Variants in IGFBP3 observed in about 807,000 individuals in gnomAD.
IGFBP3 encodes insulin like growth factor binding protein 3, also known as insulin-like growth factor-binding protein 3.
IGFBP3 carries 9 observed loss-of-function variants against 28.6 expected under a neutral mutation model. That is an observed-to-expected ratio of 0.31 (90% CI 0.19 to 0.55). The LOEUF is 0.55. IGFBP3 is among the 20% of genes least tolerant of loss of function. The pLI is 0.93. For synonymous variants in IGFBP3, 185 were observed against 188.2 expected (o/e 0.98, Z 0.14); for missense variants, 382 against 428.9 (o/e 0.89, Z 0.97).
At chr7:45,917,856 C>T (rs534666608) in intron 1 of IGFBP3, among the ~76,000 whole-genome samples, 1 of 152,150 alleles carries the variant, frequency 6.6e-6, no homozygotes, top group African/African-American at 2.4e-5. Context: ...GCGGGAGCAG[C>T]GGCAGCCCGG....
At chr7:45,915,694 C>T (rs1489755462) in intron 3 of IGFBP3, among the ~76,000 whole-genome samples, 1 of 152,208 alleles carries the variant, frequency 6.6e-6, no homozygotes, top group Non-Finnish European at 1.5e-5. Flanking sequence ...GATTCTCACT[C>T]CATTCCTTTT....
Position 45,921,241 on chromosome 7 carries a change from A to T in IGFBP3, c.-101T>A. 1 of 1,354,228 alleles carries T rather than the reference A, an allele frequency of 7.4e-7. No individual in the cohort carries two copies. The highest frequency in any genetic ancestry group is 1.0e-6 in the Non-Finnish European group (1 of 996,042). 83.9% of individuals were successfully genotyped at this position (1,354,228 alleles called of 1,614,324 possible). ...GTGGAATCCAGGCAGGAAGCGGCTG[A>T]TCCTCAGCGCCCAGCCGCAGTGCTC... On this transcript the variant is annotated 5_prime_UTR_variant, in exon 1 of 5. Coordinates refer to ENST00000613132, the MANE Select transcript of IGFBP3 (RefSeq NM_000598.5).
chr7:45,920,400 G>A (rs546250689), intron 1 of IGFBP3: 2 of 291,230 alleles, frequency 6.9e-6, no homozygotes, highest in African/African-American at 4.3e-5. Flanking sequence ...GCACCCCCGT[G>A]CGGGGCGAGG....
Position 45,921,243 on chromosome 7 carries a change from C to A in IGFBP3, c.-103G>T. Reference sequence around the variant, plus strand: ...GGAATCCAGGCAGGAAGCGGCTGATCCTCAGCGCCCAGCCGCAGTGCTCGC... The same window carrying A: ...GGAATCCAGGCAGGAAGCGGCTGATACTCAGCGCCCAGCCGCAGTGCTCGC... On this transcript the variant is annotated 5_prime_UTR_variant, in exon 1 of 5. Coordinates refer to ENST00000613132, the MANE Select transcript of IGFBP3 (RefSeq NM_000598.5). 1 of 1,344,884 alleles carries A rather than the reference C, an allele frequency of 7.4e-7. No homozygotes were observed. The highest frequency in any genetic ancestry group is 1.0e-6 in the Non-Finnish European group (1 of 987,540). The allele number at this position is 1,344,884 out of a possible 1,614,324, so 83.3% of individuals were successfully genotyped here.
At position 45,920,766 on chromosome 7, in the gene IGFBP3, G is replaced by A. The variant is rs1583673742; in HGVS notation, c.375C>T (p.Ala125=). The A allele has an allele frequency of 1.4e-6, 2 of 1,422,436 alleles. No homozygotes were observed. The highest frequency in any genetic ancestry group is 3.0e-5 in the Admixed American group (1 of 32,998). 88.1% of individuals were successfully genotyped at this position (1,422,436 alleles called of 1,614,324 possible). A position where few individuals can be genotyped will look rare whatever the true frequency, so the allele number is the denominator to read the frequency against. ...VNASAVSRLR[A]YLLPAPPAPG... ...GAGCTGGCGGCGCTGGCAGCAGGTA[G>A]GCGCGCAGGCGGCTGACGGCACTAG... is the stretch of plus-strand genomic sequence containing the variant. Residue 125 remains alanine (A), a synonymous_variant, in exon 1 of 5, where the codon GCC becomes GCT. Transcript: ENST00000613132.
rs997255394 is a variant in IGFBP3, at chr7:45,921,240, G to A, written c.-100C>T. On this transcript the variant is annotated 5_prime_UTR_variant, in exon 1 of 5. An upstream open reading frame in the 5' UTR gains an earlier in-frame stop. Coordinates refer to ENST00000613132, the MANE Select transcript of IGFBP3 (RefSeq NM_000598.5). The stretch of plus-strand genomic sequence containing the variant: ...TGTGGAATCCAGGCAGGAAGCGGCT[G>A]ATCCTCAGCGCCCAGCCGCAGTGCT... 5 of 1,358,152 alleles carry A rather than the reference G, an allele frequency of 3.7e-6. No individual in the cohort carries two copies. In the African/African-American group the frequency reaches 7.6e-5, roughly 21 times the overall value. 84.1% of individuals were successfully genotyped at this position (1,358,152 alleles called of 1,614,324 possible). A position where few individuals can be genotyped will look rare whatever the true frequency, so the allele number is the denominator to read the frequency against.
Position 45,917,342 on chromosome 7 carries a change from G to C in IGFBP3, c.501C>G (p.Pro167=), listed in dbSNP as rs550177351. ...TGATGATGATTATCTTTGAATGGAGGGGGTGGAACTTGGGATCAGACACCC... is the reference window on the plus strand; with the variant it reads ...TGATGATGATTATCTTTGAATGGAGCGGGTGGAACTTGGGATCAGACACCC... ...THRVSDPKFH[P]LHSKIIIIKK... is the part of the protein sequence containing the mutation. The change falls in exon 2 of 5, where the codon CCC becomes CCG. Residue 167 remains proline, a synonymous_variant. Transcript: ENST00000613132. 3.7e-6 allele frequency: 6 copies of C among 1,614,052 alleles called. No homozygotes were observed. The highest frequency in any genetic ancestry group is 2.2e-5 in the South Asian group (2 of 91,062).
Position 45,921,076 on chromosome 7 carries a change from G to T in IGFBP3, c.65C>A (p.Pro22Gln), listed in dbSNP as rs1784683554. ...GCTCGCGCCAGCCCGCGCCACCGGC[G>T]GCCCGCGGAGCAGCACCAGCAGAGT... ...ALTLLVLLRG[P>Q]PVARAGASSA... is the part of the protein sequence containing the mutation. Residue 22 changes from proline to glutamine, a missense_variant, in exon 1 of 5, where the codon CCG (proline) becomes CAG (glutamine). By Grantham distance (76) the Pro-to-Gln change is moderately conservative. Transcript: ENST00000613132. The T allele has an allele frequency of 1.4e-6, 2 of 1,455,640 alleles. No homozygotes were observed. The highest frequency in any genetic ancestry group is 1.5e-5 in the African/African-American group (1 of 67,126). 90.2% of individuals were successfully genotyped at this position (1,455,640 alleles called of 1,614,324 possible). A position where few individuals can be genotyped will look rare whatever the true frequency, so the allele number is the denominator to read the frequency against.
At chr7:45,914,638 G>T in intron 4 of IGFBP3, 167 bp downstream of exon 4, 1 of 601,998 alleles carries the variant, frequency 1.7e-6, no homozygotes, top group Non-Finnish European at 2.8e-6. Flanking sequence ...CCCTCTCCCT[G>T]CACCCTTCTG....
chr7:45,917,510 C>T (rs1231497142), intron 1 of IGFBP3, 71 bp from the exon 2 acceptor site: 7 of 1,287,068 alleles, frequency 5.4e-6, no homozygotes, highest in Admixed American at 4.8e-5. Context: ...AAAATCTTAA[C>T]GTTGCAACCA....
intron 2 of IGFBP3, 21 bp from the exon 3 acceptor site, chr7:45,916,688 G>A (rs767267504): frequency 1.3e-6 from 2 of 1,596,896 alleles, no homozygotes; most frequent in East Asian, 2.3e-5. Flanking sequence ...GGAAGGACCA[G>A]AGCAACAGAG....
intron 3 of IGFBP3, chr7:45,915,331 A>T (rs1242321087): frequency 5.0e-6 from 1 of 198,442 alleles, no homozygotes; most frequent in Non-Finnish European, 1.0e-5. Context: ...ACACCTTCTC[A>T]GTATGACTTT....
chr7:45,916,728 TA>T (rs974317632), intron 2 of IGFBP3, 61 bp from the exon 3 acceptor site: 1 of 1,565,030 alleles, frequency 6.4e-7, no homozygotes, highest in African/African-American at 1.4e-5. Flanking sequence ...ATGTGTGCTT[TA>T]AAAATCTTAC....
chr7:45,913,717 G>A lies in IGFBP3; in HGVS notation c.*133C>T, dbSNP rs952228854. On this transcript the variant is annotated 3_prime_UTR_variant, in exon 5 of 5. Transcript: ENST00000613132. ...TTTCAAAAACCTCTTTCTAAACTTT[G>A]GTTTAAAAAAAATCAGTTCACCACA... The A allele has an allele frequency of 2.0e-5, 3 of 152,286 alleles. No homozygotes were observed. The highest frequency in any genetic ancestry group is 6.6e-5 in the Admixed American group (1 of 15,264). The allele number at this position is 152,286 out of a possible 1,614,324, so 9.4% of individuals were successfully genotyped here.
intron 3 of IGFBP3, 113 bp downstream of exon 3, chr7:45,916,435 G>T: frequency 1.9e-6 from 2 of 1,073,180 alleles, no homozygotes; most frequent in Non-Finnish European, 2.7e-6. Context: ...GGGCACTGGT[G>T]CTGCACAGGC....
At position 45,921,130 on chromosome 7, in the gene IGFBP3, G is replaced by A; in HGVS notation, c.11C>T (p.Ala4Val). 3.3e-6 allele frequency: 5 copies of A among 1,499,474 alleles called. No individual in the cohort carries two copies. Among genetic ancestry groups the A allele is most frequent in the Non-Finnish European group, 8.8e-7 (1 of 1,130,082 alleles). 92.9% of individuals were successfully genotyped at this position (1,499,474 alleles called of 1,614,324 possible). Reference sequence around the variant, plus strand: ...CGCAGCGGCCCAGAGCGTGGGTCGCGCCCGCTGCATGACGCCTGCAACCGG... The same window carrying A: ...CGCAGCGGCCCAGAGCGTGGGTCGCACCCGCTGCATGACGCCTGCAACCGG... MQR[A>V]RPTLWAAALT... The change falls in exon 1 of 5, where the codon GCG becomes GTG. Residue 4 changes from alanine to valine, a missense_variant. Ala to Val is a moderately conservative substitution (Grantham distance 64, BLOSUM62 0). Transcript: ENST00000613132.
chr7:45,918,195 G>A (rs34014638), intron 1 of IGFBP3, among the ~76,000 whole-genome samples: 11 of 151,624 alleles, frequency 7.3e-5, no homozygotes, highest in Admixed American at 4.6e-4. Context: ...TTCACCCCGG[G>A]TGAACACAGC....
In IGFBP3 at chr7:45,920,782, AC is replaced by A; in HGVS notation, c.358del (p.Val120SerfsTer53). 1 of 1,422,504 alleles carries A rather than the reference AC, an allele frequency of 7.0e-7. No individual in the cohort carries two copies. The highest frequency in any genetic ancestry group is 9.1e-7 in the Non-Finnish European group (1 of 1,097,262). The allele number at this position is 1,422,504 out of a possible 1,614,324, so 88.1% of individuals were successfully genotyped here. A position where few individuals can be genotyped will look rare whatever the true frequency, so the allele number is the denominator to read the frequency against. On this transcript the variant is annotated frameshift_variant, in exon 1 of 5. Transcript: ENST00000613132. LOFTEE classifies it high-confidence loss of function. ...GRGLCVNASA[V>X]SRLRAYLLPA... ...CAGCAGGTAGGCGCGCAGGCGGCTG[AC>A]GGCACTAGCGTTGACGCAGAGCCCG...
intron 1 of IGFBP3, among the ~76,000 whole-genome samples, chr7:45,917,747 T>C (rs1784630335): frequency 6.6e-6 from 1 of 152,158 alleles, no homozygotes; most frequent in Non-Finnish European, 1.5e-5. Context: ...GCAGTATGCT[T>C]CATCTTCCAC....
Sources: gnomAD v4.1 joint callset for allele counts (sites outside exome capture counted in the v4.1 genomes callset) on GRCh38, gnomAD v4.1.1 for gene constraint, MANE v1.5 for transcripts, NCBI Gene and HGNC (gene_info 2026-07-23, HGNC 2026-07-21) for gene names.